METTL16: variants seen among roughly 807,000 people sequenced by gnomAD.
METTL16 encodes methyltransferase 16, RNA N6-adenosine, also known as RNA N(6)-adenosine-methyltransferase METTL16.
A neutral mutation model predicts 57.9 loss-of-function variants in METTL16; 19 were observed. The ratio of observed to expected loss-of-function variants is 0.33; its 90% CI spans 0.23 to 0.48. The LOEUF (loss-of-function observed/expected upper bound fraction) is 0.48. Ranked by LOEUF, METTL16 falls within the 20% of genes least tolerant of loss-of-function variation. METTL16 has a pLI of 0.99. For missense variants in METTL16, 434 were observed against 691.5 expected (o/e 0.63, Z 4.18); for synonymous variants, 246 against 255.6 (o/e 0.96, Z 0.36).
chr17:2,505,081 A>G (rs1041018356), intron 1 of METTL16, among the ~76,000 whole-genome samples: 16 of 152,226 alleles, frequency 1.1e-4, no homozygotes, highest in Non-Finnish European at 2.4e-4. Context: ...ATATCAAGAC[A>G]TAAACACTGA....
intron 6 of METTL16, chr17:2,460,066 A>T (rs1009746345): frequency 1.3e-5 from 2 of 152,220 alleles, no homozygotes; most frequent in African/African-American, 4.8e-5. Context: ...GTAGTTGTAC[A>T]AATGTAAGTC....
chr17:2,425,878 G>A (rs550345662), intron 8 of METTL16, among the ~76,000 whole-genome samples: 7 of 151,874 alleles, frequency 4.6e-5, no homozygotes, highest in African/African-American at 1.7e-4. Context: ...GTAGAGATGG[G>A]GTTCTGCCAT....
chr17:2,502,123 T>C, intron 2 of METTL16, 81 bp downstream of exon 2: 1 of 1,442,668 alleles, frequency 6.9e-7, no homozygotes, highest in Admixed American at 1.9e-5. Context: ...TGTCTAAGAT[T>C]AACACTCAGG....
chr17:2,435,458 G>A (rs1438084534), intron 8 of METTL16, among the ~76,000 whole-genome samples: 2 of 152,158 alleles, frequency 1.3e-5, no homozygotes, highest in Admixed American at 1.3e-4. Flanking sequence ...TCTAGGAAGA[G>A]GGAAGAGAAC....
chr17:2,433,425 T>C (rs1302371370), intron 8 of METTL16, among the ~76,000 whole-genome samples: 1 of 138,296 alleles, frequency 7.2e-6, no homozygotes, highest in Non-Finnish European at 1.5e-5. Context: ...AGCAGGATGC[T>C]GACTGCAGGA....
intron 4 of METTL16, among the ~76,000 whole-genome samples, chr17:2,472,882 G>A (rs138664185): frequency 1.3e-5 from 2 of 152,226 alleles, no homozygotes; most frequent in East Asian, 3.9e-4. Context: ...AAGACGGCAG[G>A]GCAGTGAAAC....
chr17:2,503,794 T>C (rs1004309621), intron 1 of METTL16, among the ~76,000 whole-genome samples: 12 of 151,738 alleles, frequency 7.9e-5, no homozygotes, highest in Non-Finnish European at 1.2e-4. Context: ...GGTATATCCA[T>C]ACAGTAAATA....
At chr17:2,439,913 T>A (rs2066934818) in intron 7 of METTL16, among the ~76,000 whole-genome samples, 1 of 152,020 alleles carries the variant, frequency 6.6e-6, no homozygotes, top group Admixed American at 6.6e-5. Flanking sequence ...ACAGGTCAGG[T>A]GCATGGGTCA....
intron 8 of METTL16, among the ~76,000 whole-genome samples, chr17:2,423,643 C>T (rs1267604823): frequency 6.6e-6 from 1 of 152,086 alleles, no homozygotes; most frequent in African/African-American, 2.4e-5. Flanking sequence ...CTGGCCCTCC[C>T]TGCCAGCCCG....
At chr17:2,474,365 G>A (rs975692263) in intron 3 of METTL16, among the ~76,000 whole-genome samples, 2 of 137,124 alleles carry the variant, frequency 1.5e-5, no homozygotes, top group Non-Finnish European at 3.1e-5. Flanking sequence ...TCTGTAAGTT[G>A]TCAGCTGAAA....
chr17:2,465,136 G>A (rs2067182355), intron 5 of METTL16, among the ~76,000 whole-genome samples: 1 of 152,174 alleles, frequency 6.6e-6, no homozygotes, highest in Admixed American at 6.5e-5. Flanking sequence ...AAGAAGATAT[G>A]TAAATGGCCA....
chr17:2,461,300 G>C (rs1200815924), intron 6 of METTL16, among the ~76,000 whole-genome samples: 1 of 152,202 alleles, frequency 6.6e-6, no homozygotes, highest in Non-Finnish European at 1.5e-5. Flanking sequence ...GACAGAGGCT[G>C]CAGTGAGCCA....
chr17:2,507,189 G>A (rs1375957746), intron 1 of METTL16, among the ~76,000 whole-genome samples: 9 of 145,990 alleles, frequency 6.2e-5, no homozygotes, highest in Admixed American at 3.4e-4. Flanking sequence ...CGCCCCGTCC[G>A]GGAAGGAGGT....
chr17:2,479,161 GGTTTTGTTTT>G (rs563805995), intron 2 of METTL16, among the ~76,000 whole-genome samples: 6 of 151,682 alleles, frequency 4.0e-5, no homozygotes, highest in Admixed American at 6.6e-5. Flanking sequence ...GGTTTTTGTG[GGTTTTGTTTT>G]GTTTTGTTTT....
In METTL16 at chr17:2,457,177, C is replaced by CA. The variant is rs779979026; in HGVS notation, c.728+7030dup. On this transcript the variant is annotated intron_variant, in intron 6 of 9. Coordinates refer to ENST00000263092, the MANE Select transcript of METTL16 (RefSeq NM_024086.4). ...TGAAACCCCGTCTCTACTAAAAATA[C>CA]AAAAAAAAAAATTAGCTGGGCGTGG... is the stretch of plus-strand genomic sequence containing the variant. 2.2e-3 allele frequency among the ~76,000 whole-genome samples: 305 copies of CA among 137,894 alleles called. 3 individuals carry two copies. Among genetic ancestry groups the CA allele is most frequent in the South Asian group, 3.0e-3 (13 of 4,320 alleles). 90.5% of individuals were successfully genotyped at this position (137,894 alleles called of 152,430 possible).
intron 2 of METTL16, among the ~76,000 whole-genome samples, chr17:2,494,866 C>T (rs1450923878): frequency 3.3e-5 from 5 of 151,936 alleles, no homozygotes; most frequent in Non-Finnish European, 7.4e-5. Flanking sequence ...GGCATGGTGG[C>T]GTGCACCTGT....
intron 5 of METTL16, among the ~76,000 whole-genome samples, chr17:2,465,543 TC>T: frequency 2.3e-5 from 2 of 87,296 alleles, no homozygotes; most frequent in African/African-American, 5.5e-5. Flanking sequence ...CAAGACTCCA[TC>T]TCAAAAAAAA....
intron 1 of METTL16, among the ~76,000 whole-genome samples, chr17:2,507,565 G>A (rs372757899): frequency 0.016 from 2,366 of 150,686 alleles, 20 homozygotes; most frequent in African/African-American, 0.031. Context: ...GCCTCTGCCC[G>A]GCCGCCCCTA....
At position 2,420,386 on chromosome 17, in the gene METTL16, C is replaced by T; in HGVS notation, c.1273G>A (p.Gly425Ser). ...CCACAGGGGGTCCTCTCCTGGGGGC[C>T]CCTGGCCAGTTCTTGGCTATTGCCA... ...ESGNSQELAR[G>S]PQERTPCGPA... Residue 425 changes from glycine (G) to serine (S), a missense_variant, in exon 10 of 10, where the codon GGC (glycine) becomes AGC (serine). Gly to Ser is a moderately conservative substitution (Grantham distance 56). This residue lies in a region of METTL16 where 168 missense variants were observed against 149.6 expected (regional missense o/e 1.12). Coordinates refer to ENST00000263092, the MANE Select transcript of METTL16 (RefSeq NM_024086.4). This position sits in a 1 kb window ranked among gnomAD's most constrained non-coding sequence, Gnocchi z 5.4. 1 of 1,613,374 alleles carries T rather than the reference C, an allele frequency of 6.2e-7. No homozygotes were observed.
Sources: allele counts gnomAD v4.1 joint callset (sites outside exome capture counted in the v4.1 genomes callset), GRCh38; gene constraint gnomAD v4.1.1; regional missense constraint gnomAD v4.1.1; non-coding constraint Gnocchi (gnomAD v3.1); transcripts MANE v1.5; gene names NCBI Gene and HGNC (gene_info 2026-07-23, HGNC 2026-07-21).